The following MTMR3 variants were observed in gnomAD, a reference collection of about 807,000 sequenced individuals.
MTMR3 encodes myotubularin related protein 3.
A neutral mutation model predicts 132.4 loss-of-function variants in MTMR3; 32 were observed. That is an observed-to-expected ratio of 0.24 (90% CI 0.18 to 0.32). The LOEUF (loss-of-function observed/expected upper bound fraction) is 0.32. Ranked by LOEUF, MTMR3 falls within the 10% of genes least tolerant of loss-of-function variation. The pLI is 1.00. For missense variants in MTMR3, 1,216 were observed against 1,489.6 expected, an observed-to-expected ratio of 0.82 and a Z score of 3.02; for synonymous variants, 556 against 550.3, an observed-to-expected ratio of 1.01 and a Z score of -0.14.
intron 11 of MTMR3, 48 bp from the exon 12 acceptor site, chr22:30,008,970 G>T (rs1426275813): frequency 1.5e-6 from 2 of 1,350,950 alleles, no homozygotes; most frequent in Non-Finnish European, 2.1e-6. Flanking sequence ...GGCCATGTGG[G>T]CTTTAAGTTC....
At chr22:29,989,895 A>G (rs1601384996) in intron 6 of MTMR3, 2 of 152,202 alleles carry the variant, frequency 1.3e-5, no homozygotes, top group East Asian at 1.9e-4. Flanking sequence ...AAATTTCTCC[A>G]TAAGTTTAGC....
chr22:29,903,355 G>C (rs5997553), intron 1 of MTMR3, among the ~76,000 whole-genome samples: 3 of 151,582 alleles, frequency 2.0e-5, no homozygotes, highest in African/African-American at 7.2e-5. Flanking sequence ...TCAGAGAATA[G>C]CAGTGTTTTT....
chr22:29,907,252 A>G (rs1373322430), intron 1 of MTMR3, among the ~76,000 whole-genome samples: 1 of 151,758 alleles, frequency 6.6e-6, no homozygotes, highest in African/African-American at 2.4e-5. Flanking sequence ...AATACAAAAA[A>G]TTAGCCGGGC....
intron 1 of MTMR3, among the ~76,000 whole-genome samples, chr22:29,920,734 T>TATAA (rs935236537): frequency 6.6e-6 from 1 of 152,176 alleles, no homozygotes; most frequent in African/African-American, 2.4e-5. Context: ...GCTTTCAGTG[T>TATAA]ATAAATTGCA....
At chr22:29,980,288 G>C (rs140742310) in intron 5 of MTMR3, 1 of 151,988 alleles carries the variant, frequency 6.6e-6, no homozygotes, top group Non-Finnish European at 1.5e-5. Flanking sequence ...TTATGTCCAG[G>C]AGCAGTTTTG....
At chr22:29,946,605 A>G (rs754059691) in intron 1 of MTMR3, among the ~76,000 whole-genome samples, 14 of 152,328 alleles carry the variant, frequency 9.2e-5, no homozygotes, top group Middle Eastern at 6.8e-3. Context: ...CAGTTTCTCT[A>G]TATGAAGAAT....
intron 1 of MTMR3, among the ~76,000 whole-genome samples, chr22:29,897,484 ACT>A (rs373802877): frequency 1.7e-4 from 26 of 151,936 alleles, no homozygotes; most frequent in African/African-American, 6.0e-4. Flanking sequence ...ACGGGCTCTC[ACT>A]CTGTTGCCCA....
chr22:29,887,902 ATGC>A (rs1449192335), intron 1 of MTMR3, among the ~76,000 whole-genome samples: 1 of 152,260 alleles, frequency 6.6e-6, no homozygotes, highest in Non-Finnish European at 1.5e-5. Context: ...TATTGTCTTG[ATGC>A]TGATAGCTGC....
chr22:29,915,951 A>T (rs2145757790), intron 1 of MTMR3, among the ~76,000 whole-genome samples: 1 of 152,250 alleles, frequency 6.6e-6, no homozygotes, highest in Middle Eastern at 3.4e-3. Flanking sequence ...TCTATAGTAG[A>T]TACCTTTAAC....
chr22:29,940,592 A>G (rs935328893), intron 1 of MTMR3, among the ~76,000 whole-genome samples: 19 of 149,876 alleles, frequency 1.3e-4, no homozygotes, highest in African/African-American at 4.6e-4. Context: ...CCTCCTGAAT[A>G]GGAAAAATCG....
In MTMR3 at chr22:29,949,136, CACACACA is replaced by C. The variant is rs1319836085; in HGVS notation, c.-137-7899_-137-7893del. ...ACACACACACACACACACACACACACACACACACCCCCCCCCCCCCCCCCGAGGCCCT... is the reference window on the plus strand; with the variant it reads ...ACACACACACACACACACACACACACCCCCCCCCCCCCCCCCCGAGGCCCT... On this transcript the variant is annotated intron_variant, in intron 1 of 19. Coordinates refer to ENST00000401950, the MANE Select transcript of MTMR3 (RefSeq NM_021090.4). Among the ~76,000 whole-genome samples, 50 of 40,424 alleles carry C rather than the reference CACACACA, an allele frequency of 1.2e-3. 1 individual carries two copies. Among genetic ancestry groups the C allele is most frequent in the African/African-American group, 4.2e-3 (32 of 7,670 alleles). 26.5% of individuals were successfully genotyped at this position (40,424 alleles called of 152,430 possible).
intron 1 of MTMR3, among the ~76,000 whole-genome samples, chr22:29,929,248 T>A (rs1196871373): frequency 2.6e-5 from 4 of 151,988 alleles, no homozygotes; most frequent in African/African-American, 9.7e-5. Context: ...GCCATTACAC[T>A]CCAGCCTGGG....
intron 1 of MTMR3, among the ~76,000 whole-genome samples, chr22:29,897,914 T>A (rs1836938575): frequency 1.3e-5 from 2 of 152,198 alleles, no homozygotes; most frequent in Admixed American, 1.3e-4. Context: ...GGTTTCAAAT[T>A]TATGTGATAT....
chr22:29,928,527 C>G (rs1474335580), intron 1 of MTMR3, among the ~76,000 whole-genome samples: 2 of 151,912 alleles, frequency 1.3e-5, no homozygotes. Context: ...TATGTACCAC[C>G]AAATGATATG....
intron 1 of MTMR3, among the ~76,000 whole-genome samples, chr22:29,926,214 T>C (rs2065514408): frequency 6.6e-6 from 1 of 152,244 alleles, no homozygotes; most frequent in African/African-American, 2.4e-5. Context: ...TGTAGCACAT[T>C]ATCAGTACTT....
chr22:29,959,447 C>T (rs532686771), intron 2 of MTMR3, among the ~76,000 whole-genome samples: 10 of 152,178 alleles, frequency 6.6e-5, no homozygotes, highest in African/African-American at 1.2e-4. Context: ...GGCGCGACCT[C>T]AGCTCACTGC....
chr22:30,026,004 C>T lies in MTMR3; in HGVS notation c.*203C>T, dbSNP rs1446416059. On this transcript the variant is annotated 3_prime_UTR_variant, in exon 20 of 20. Coordinates refer to ENST00000401950, the MANE Select transcript of MTMR3 (RefSeq NM_021090.4). ...ACTCCCTCCCTACCTTTTCCATCCT[C>T]CTCCTCTGCCTTCAAAAAAGGAAAC... 1.1e-5 allele frequency: 5 copies of T among 473,988 alleles called. No homozygotes were observed. The highest frequency in any genetic ancestry group is 1.8e-5 in the Non-Finnish European group (5 of 272,196). 29.4% of individuals were successfully genotyped at this position (473,988 alleles called of 1,614,324 possible).
At chr22:29,885,277 A>G (rs746693053) in intron 1 of MTMR3, among the ~76,000 whole-genome samples, 13 of 152,228 alleles carry the variant, frequency 8.5e-5, no homozygotes, top group Non-Finnish European at 1.6e-4. Context: ...TAGGTTGGGT[A>G]TTCCAAAGAA....
At chr22:29,894,503 C>CGT (rs144670905) in intron 1 of MTMR3, among the ~76,000 whole-genome samples, 4,743 of 147,234 alleles carry the variant, frequency 0.032, 121 homozygotes, top group African/African-American at 0.075. Context: ...GTTCTGTATC[C>CGT]GTGTGTGTGT....
Sources: gnomAD v4.1 joint callset for allele counts (sites outside exome capture counted in the v4.1 genomes callset) on GRCh38, gnomAD v4.1.1 for gene constraint, MANE v1.5 for transcripts, NCBI Gene and HGNC (gene_info 2026-07-23, HGNC 2026-07-21) for gene names.